The following ATG2B variants were observed in gnomAD, a reference collection of about 807,000 sequenced individuals.
The protein encoded by ATG2B is autophagy related 2B.
ATG2B carries 121 observed loss-of-function variants against 241.3 expected under a neutral mutation model. The observed-to-expected ratio is 0.50, with a 90% CI of 0.43 to 0.58. The LOEUF is 0.58. Ranked by LOEUF, ATG2B falls within the 20% of genes least tolerant of loss-of-function variation. The pLI is 0.00. For synonymous variants in ATG2B, 858 were observed against 876.6 expected (o/e 0.98, Z 0.37); for missense variants, 2,306 against 2,491.6 (o/e 0.93, Z 1.59).
At chr14:96,352,530 G>A (rs929798215) in intron 1 of ATG2B, among the ~76,000 whole-genome samples, 6 of 151,932 alleles carry the variant, frequency 3.9e-5, no homozygotes, top group Non-Finnish European at 7.4e-5. Flanking sequence ...GAGGTAGAAG[G>A]TGGTGACATT....
intron 1 of ATG2B, among the ~76,000 whole-genome samples, chr14:96,351,405 C>T (rs990475340): frequency 6.6e-6 from 1 of 152,084 alleles, no homozygotes; most frequent in Non-Finnish European, 1.5e-5. Flanking sequence ...AATTTGAGAC[C>T]ATCCTGGGAG....
At chr14:96,360,785 C>T (rs937532091) in intron 1 of ATG2B, among the ~76,000 whole-genome samples, 2 of 151,718 alleles carry the variant, frequency 1.3e-5, no homozygotes. Context: ...TTTTTTCAGT[C>T]ATGTAAGTCA....
chr14:96,292,295 A>G (rs1886508082), intron 36 of ATG2B, among the ~76,000 whole-genome samples, 197 bp from the exon 37 acceptor site: 1 of 152,174 alleles, frequency 6.6e-6, no homozygotes, highest in Admixed American at 6.5e-5. Flanking sequence ...GATGTTAATC[A>G]TCTCATATAT....
At chr14:96,287,185 C>T (rs888051502) in intron 41 of ATG2B, among the ~76,000 whole-genome samples, 3 of 133,134 alleles carry the variant, frequency 2.3e-5, no homozygotes, top group Non-Finnish European at 4.6e-5. Flanking sequence ...AACCAGGAGG[C>T]AGAGCTTGCA....
chr14:96,362,503 G>A (rs1268159521), intron 1 of ATG2B, among the ~76,000 whole-genome samples: 3 of 152,000 alleles, frequency 2.0e-5, no homozygotes, highest in Non-Finnish European at 2.9e-5. Context: ...ACATCCCGAG[G>A]GACAGTTCTG....
In ATG2B at chr14:96,285,971, C is replaced by T. The variant is rs542298101; in HGVS notation, c.6021G>A (p.Thr2007=). Residue 2007 remains threonine, a synonymous_variant, in exon 42 of 42, where the codon ACG becomes ACA. Coordinates refer to ENST00000359933, the MANE Select transcript of ATG2B (RefSeq NM_018036.7). The surrounding 1 kb of genome is among the most constrained non-coding windows in gnomAD (Gnocchi z 4.2). ...YSVVKEGITD[T]AQTIYETAAR... ...CCGCAGTTTCATAAATGGTCTGAGCCGTGTCTGTGATTCCCTGCGTAGAGG... is the reference window on the plus strand; with the variant it reads ...CCGCAGTTTCATAAATGGTCTGAGCTGTGTCTGTGATTCCCTGCGTAGAGG... 4.3e-6 allele frequency: 7 copies of T among 1,612,744 alleles called. No homozygotes were observed. The South Asian group carries it at 4.4e-5, about 10-fold the overall frequency.
chr14:96,315,466 G>A lies in ATG2B; in HGVS notation c.3479C>T (p.Ser1160Leu). ...SEEDGLSKTS[S>L]DGVGGDSLNM... ...CAAACTGTCTCCTCCAACTCCATCTGAAGAAGTTTTACTGAGGCCATCTTC... is the reference window on the plus strand; with the variant it reads ...CAAACTGTCTCCTCCAACTCCATCTAAAGAAGTTTTACTGAGGCCATCTTC... The change falls in exon 22 of 42, where the codon TCA becomes TTA. Residue 1160 changes from serine to leucine, a missense_variant. Transcript: ENST00000359933. The A allele has an allele frequency of 6.2e-7, 1 of 1,614,144 alleles. No homozygotes were observed. The highest frequency in any genetic ancestry group is 8.5e-7 in the Non-Finnish European group (1 of 1,180,008).
At chr14:96,322,418 T>C in intron 17 of ATG2B, 122 bp downstream of exon 17, 1 of 1,301,804 alleles carries the variant, frequency 7.7e-7, no homozygotes, top group South Asian at 1.5e-5. Context: ...TATTCAATTT[T>C]GAAGTTTAAG....
At chr14:96,311,507 A>G (rs977586208) in intron 27 of ATG2B, 35 bp downstream of exon 27, 53 of 1,511,040 alleles carry the variant, frequency 3.5e-5, no homozygotes, top group Non-Finnish European at 4.6e-5. Flanking sequence ...CTTAAAAAAT[A>G]GAACTTAAAA....
chr14:96,322,496 G>T, intron 17 of ATG2B, 44 bp downstream of exon 17: 1 of 1,521,708 alleles, frequency 6.6e-7, no homozygotes, highest in South Asian at 1.3e-5. Flanking sequence ...CTCTATGACA[G>T]AGAATAATAG....
chr14:96,305,487 C>T (rs906729799), intron 31 of ATG2B, 102 bp downstream of exon 31: 16 of 688,482 alleles, frequency 2.3e-5, no homozygotes, highest in African/African-American at 1.8e-5. Flanking sequence ...ATGATAAATC[C>T]TATTTTTCTT....
At chr14:96,317,541 A>G (rs906080807) in intron 19 of ATG2B, among the ~76,000 whole-genome samples, 157 bp downstream of exon 19, 6 of 152,232 alleles carry the variant, frequency 3.9e-5, no homozygotes, top group African/African-American at 1.4e-4. Flanking sequence ...CAATATACAG[A>G]TAGAAATAAG....
intron 5 of ATG2B, among the ~76,000 whole-genome samples, chr14:96,342,498 G>A (rs1388932495): frequency 1.3e-5 from 2 of 152,048 alleles, no homozygotes; most frequent in Non-Finnish European, 2.9e-5. Flanking sequence ...GAGGCAGGTG[G>A]ATCGCCTGAG....
chr14:96,334,940 T>G (rs935990461), intron 6 of ATG2B, among the ~76,000 whole-genome samples: 8 of 152,200 alleles, frequency 5.3e-5, no homozygotes, highest in African/African-American at 1.9e-4. Context: ...AATCATACTC[T>G]AGCAGAGCAT....
intron 20 of ATG2B, 104 bp downstream of exon 20, chr14:96,317,041 A>T: frequency 8.7e-7 from 1 of 1,152,446 alleles, no homozygotes; most frequent in South Asian, 1.6e-5. Flanking sequence ...AGTCCCTGAA[A>T]CAACTTCAAA....
At chr14:96,318,545 C>T (rs1887376658) in intron 18 of ATG2B, among the ~76,000 whole-genome samples, 1 of 152,094 alleles carries the variant, frequency 6.6e-6, no homozygotes, top group Non-Finnish European at 1.5e-5. Context: ...CAACAGAAAG[C>T]ACAGCTTCAC....
At position 96,344,663 on chromosome 14, in the gene ATG2B, C is replaced by T. The variant is rs1445145372; in HGVS notation, c.572G>A (p.Arg191Gln). 31 of 1,589,302 alleles carry T rather than the reference C, an allele frequency of 2.0e-5. No homozygotes were observed. Among genetic ancestry groups the T allele is most frequent in the Non-Finnish European group, 2.3e-5 (27 of 1,162,778 alleles). Residue 191 changes from arginine to glutamine, a missense_variant, in exon 4 of 42, where the codon CGA (arginine) becomes CAA (glutamine). Coordinates refer to ENST00000359933, the MANE Select transcript of ATG2B (RefSeq NM_018036.7). ...ACATAAGAATTCTTACCTTTCTATTCGAATTTCAAGTGCAGTTCCAGTTTT... is the reference window on the plus strand; with the variant it reads ...ACATAAGAATTCTTACCTTTCTATTTGAATTTCAAGTGCAGTTCCAGTTTT... ...NSKTGTALEIRIERTVYCDET... is the reference protein window; with the variant it reads ...NSKTGTALEIQIERTVYCDET...
rs72706804 is a variant in ATG2B, at chr14:96,362,965, C to T, written c.12G>A (p.Pro4=). The T allele has an allele frequency of 0.022, 36,025 of 1,613,314 alleles. 499 individuals carry two copies. The highest frequency in any genetic ancestry group is 0.025 in the Non-Finnish European group (29,636 of 1,179,814). Reference sequence around the variant, plus strand: ...CCCTCTTCTTGATGGACTCCGAAAACGGCCAAGGCATAGTGACTGCTGGCA... The same window carrying T: ...CCCTCTTCTTGATGGACTCCGAAAATGGCCAAGGCATAGTGACTGCTGGCA... MPW[P]FSESIKKRAC... The change falls in exon 1 of 42, where the codon CCG becomes CCA. Residue 4 remains proline (P), a synonymous_variant. Coordinates refer to ENST00000359933, the MANE Select transcript of ATG2B (RefSeq NM_018036.7).
chr14:96,344,817 A>T (rs1376173820), intron 3 of ATG2B, 61 bp from the exon 4 acceptor site: 2 of 686,918 alleles, frequency 2.9e-6, no homozygotes, highest in Non-Finnish European at 4.6e-6. Context: ...AAAAACCTCC[A>T]AAGAAATAAA....
Sources: allele counts gnomAD v4.1 joint callset (sites outside exome capture counted in the v4.1 genomes callset), GRCh38; gene constraint gnomAD v4.1.1; non-coding constraint Gnocchi (gnomAD v3.1); transcripts MANE v1.5; gene names NCBI Gene and HGNC (gene_info 2026-07-23, HGNC 2026-07-21).